The following CYP19A1 variants were observed in gnomAD, a reference collection of about 807,000 sequenced individuals.
CYP19A1 encodes aromatase.
In CYP19A1, 32 loss-of-function variants were observed where a neutral mutation model predicts 44.4. The observed-to-expected ratio is 0.72, with a 90% CI of 0.54 to 0.97. The LOEUF (loss-of-function observed/expected upper bound fraction) is 0.97. Ranked by LOEUF, CYP19A1 falls within the 50% of genes least tolerant of loss-of-function variation. The probability of loss-of-function intolerance (pLI) is 0.00; values close to 1 mark genes in which losing one functional copy is unlikely to be tolerated. For missense variants in CYP19A1, 598 were observed against 637.8 expected (o/e 0.94, Z 0.67); for synonymous variants, 212 against 215.6 (o/e 0.98, Z 0.14).
At position 51,285,509 on chromosome 15, in the gene CYP19A1, G is replaced by A. The variant is rs1447470065; in HGVS notation, c.-38-42559C>T. Among the ~76,000 whole-genome samples, 3 of 152,274 alleles carry A rather than the reference G, an allele frequency of 2.0e-5. No individual in the cohort carries two copies. The East Asian group carries it at 5.8e-4, about 29-fold the overall frequency. Reference sequence around the variant, plus strand: ...ATGTTGGGAAAAAGCTGAGTGTTGGGAAAAAAGCTGAGGCAGGGTTTGCAT... The same window carrying A: ...ATGTTGGGAAAAAGCTGAGTGTTGGAAAAAAAGCTGAGGCAGGGTTTGCAT... On this transcript the variant is annotated intron_variant, in intron 1 of 9. Transcript: ENST00000396402.
At chr15:51,243,702 G>A (rs948099206) in intron 1 of CYP19A1, among the ~76,000 whole-genome samples, 2 of 152,208 alleles carry the variant, frequency 1.3e-5, no homozygotes, top group African/African-American at 2.4e-5. Flanking sequence ...GAGAGAACAG[G>A]CAGAATAGGA....
At chr15:51,312,179 A>G (rs2036325353) in intron 1 of CYP19A1, 1 of 152,234 alleles carries the variant, frequency 6.6e-6, no homozygotes, top group East Asian at 1.9e-4. Flanking sequence ...CCTGGAATTC[A>G]TTGGAAAGGA....
intron 1 of CYP19A1, among the ~76,000 whole-genome samples, chr15:51,317,326 G>A (rs1173314765): frequency 6.6e-6 from 1 of 152,090 alleles, no homozygotes; most frequent in African/African-American, 2.4e-5. Context: ...AGCCAGGATG[G>A]TCTTGATCTC....
intron 1 of CYP19A1, among the ~76,000 whole-genome samples, chr15:51,319,342 C>G (rs2036486738): frequency 6.6e-6 from 1 of 152,230 alleles, no homozygotes; most frequent in Non-Finnish European, 1.5e-5. Flanking sequence ...CTCAAATGCA[C>G]TACTTAAAGT....
chr15:51,220,077 G>A (rs1350750557), intron 5 of CYP19A1, among the ~76,000 whole-genome samples: 1 of 152,198 alleles, frequency 6.6e-6, no homozygotes, highest in Non-Finnish European at 1.5e-5. Context: ...ATACCAGGTA[G>A]CATGTGTTCC....
At chr15:51,317,206 A>G (rs1204030285) in intron 1 of CYP19A1, among the ~76,000 whole-genome samples, 3 of 150,810 alleles carry the variant, frequency 2.0e-5, no homozygotes, top group African/African-American at 4.9e-5. Flanking sequence ...GGTTCACGCC[A>G]TTCTCCTGTC....
chr15:51,277,268 A>T (rs1286552244), intron 1 of CYP19A1: 1 of 152,152 alleles, frequency 6.6e-6, no homozygotes, highest in African/African-American at 2.4e-5. Flanking sequence ...ATGCCCTTTG[A>T]GTGCCCCAAG....
Position 51,300,056 on chromosome 15 carries a change from G to C in CYP19A1, c.-39+38439C>G, listed in dbSNP as rs1302812106. On this transcript the variant is annotated intron_variant, in intron 1 of 9. Transcript: ENST00000396402. ...AGGAAGAGTGAAACGGCAACCGGTA[G>C]GCAGGACCAAACCATTGTCAGTGTG... Among the ~76,000 whole-genome samples the C allele has an allele frequency of 2.0e-5, 3 of 152,338 alleles. No individual in the cohort carries two copies. The East Asian group carries it at 5.8e-4, about 29-fold the overall frequency.
intron 4 of CYP19A1, among the ~76,000 whole-genome samples, chr15:51,225,950 G>A (rs529967383): frequency 7.9e-5 from 12 of 151,926 alleles, no homozygotes; most frequent in South Asian, 6.2e-4. Flanking sequence ...TTAGCTGGGC[G>A]TGGTGGTGGG....
intron 1 of CYP19A1, among the ~76,000 whole-genome samples, chr15:51,298,789 A>C (rs1307600725): frequency 6.6e-6 from 1 of 152,240 alleles, no homozygotes; most frequent in Non-Finnish European, 1.5e-5. Context: ...ATCATCCCAC[A>C]TTAGCTACTG....
intron 7 of CYP19A1, 48 bp from the exon 8 acceptor site, chr15:51,215,280 T>A (rs1483140669): frequency 1.2e-6 from 2 of 1,612,606 alleles, no homozygotes. Context: ...AATCAAAGTT[T>A]CAAAAAATGA....
At chr15:51,236,437 G>T (rs892739660) in intron 3 of CYP19A1, among the ~76,000 whole-genome samples, 1 of 152,010 alleles carries the variant, frequency 6.6e-6, no homozygotes, top group Non-Finnish European at 1.5e-5. Context: ...TGATGTCTCG[G>T]GTTTTATTTT....
intron 2 of CYP19A1, among the ~76,000 whole-genome samples, chr15:51,241,031 A>C (rs1171051142): frequency 6.6e-6 from 1 of 152,220 alleles, no homozygotes; most frequent in African/African-American, 2.4e-5. Flanking sequence ...TAAAAATAGC[A>C]ACCCCAAACT....
chr15:51,282,587 C>T (rs747985895), intron 1 of CYP19A1, among the ~76,000 whole-genome samples: 5 of 152,226 alleles, frequency 3.3e-5, no homozygotes, highest in Non-Finnish European at 7.3e-5. Flanking sequence ...TTGCGTTGGC[C>T]ACCTGGACCC....
At chr15:51,251,638 T>C (rs555258298) in intron 1 of CYP19A1, among the ~76,000 whole-genome samples, 8 of 152,218 alleles carry the variant, frequency 5.3e-5, no homozygotes, top group Non-Finnish European at 1.2e-4. Context: ...CATCAAAGAA[T>C]GATACATTCA....
At chr15:51,317,094 A>G (rs1566924145) in intron 1 of CYP19A1, among the ~76,000 whole-genome samples, 1 of 151,626 alleles carries the variant, frequency 6.6e-6, no homozygotes, top group Non-Finnish European at 1.5e-5. Context: ...GCATAAGGGA[A>G]AAATCACTTC....
intron 1 of CYP19A1, among the ~76,000 whole-genome samples, chr15:51,261,895 C>T (rs576303746): frequency 2.0e-5 from 3 of 152,290 alleles, no homozygotes; most frequent in Non-Finnish European, 4.4e-5. Flanking sequence ...CACCATCTCT[C>T]CCCCAATCAA....
intron 1 of CYP19A1, among the ~76,000 whole-genome samples, chr15:51,275,443 A>G (rs1205668683): frequency 6.6e-6 from 1 of 152,196 alleles, no homozygotes; most frequent in East Asian, 1.9e-4. Flanking sequence ...TTAAATTGCT[A>G]CTTGTGCCAT....
intron 1 of CYP19A1, among the ~76,000 whole-genome samples, chr15:51,288,928 A>G (rs1448501768): frequency 7.2e-5 from 11 of 152,222 alleles, no homozygotes; most frequent in Non-Finnish European, 2.9e-5. Flanking sequence ...TGAGCAAAAG[A>G]TCTGCAATGT....
Sources: gnomAD v4.1 joint callset for allele counts (sites outside exome capture counted in the v4.1 genomes callset) on GRCh38, gnomAD v4.1.1 for gene constraint, MANE v1.5 for transcripts, NCBI Gene and HGNC (gene_info 2026-07-23, HGNC 2026-07-21) for gene names.